The following ITGA2 variants were observed in gnomAD, a reference collection of about 807,000 sequenced individuals.
ITGA2 encodes integrin subunit alpha 2, also known as integrin alpha-2.
Under a neutral mutation model 146.3 loss-of-function variants are expected in ITGA2, and 101 were observed. That is an observed-to-expected ratio of 0.69 (90% CI 0.59 to 0.81). The LOEUF (loss-of-function observed/expected upper bound fraction) is 0.81, where lower values mean the gene tolerates loss of function less well. Ranked by LOEUF, ITGA2 falls within the 40% of genes least tolerant of loss-of-function variation. ITGA2 has a pLI of 0.00. For missense variants in ITGA2, 1,281 were observed against 1,402.7 expected (o/e 0.91, Z 1.39); for synonymous variants, 477 against 487.1 (o/e 0.98, Z 0.27).
At chr5:53,037,169 C>T (rs1561110142) in intron 2 of ITGA2, among the ~76,000 whole-genome samples, 1 of 152,190 alleles carries the variant, frequency 6.6e-6, no homozygotes, top group Non-Finnish European at 1.5e-5. Flanking sequence ...TTGAATTCCA[C>T]TGGAGGTAGG....
chr5:52,994,296 A>G (rs1741117512), intron 1 of ITGA2, among the ~76,000 whole-genome samples: 1 of 152,234 alleles, frequency 6.6e-6, no homozygotes. Flanking sequence ...GCCCTGAAGC[A>G]TACTTAACCA....
intron 4 of ITGA2, among the ~76,000 whole-genome samples, chr5:53,047,320 C>G (rs1161256559): frequency 6.6e-6 from 1 of 152,056 alleles, no homozygotes; most frequent in Non-Finnish European, 1.5e-5. Flanking sequence ...TCTCCTTTTT[C>G]ATGTATCAAT....
At chr5:53,050,273 C>A (rs3212499) in intron 6 of ITGA2, among the ~76,000 whole-genome samples, 1 of 152,058 alleles carries the variant, frequency 6.6e-6, no homozygotes, top group Non-Finnish European at 1.5e-5. Flanking sequence ...TCTTTTCTTA[C>A]AGCCTAAATT....
chr5:53,068,752 T>G (rs573542957), intron 16 of ITGA2, among the ~76,000 whole-genome samples: 173 of 151,960 alleles, frequency 1.1e-3, no homozygotes, highest in Non-Finnish European at 2.3e-3. Context: ...TCTTCACAAC[T>G]GTGGAAAGTG....
At chr5:53,036,149 T>TA (rs998371336) in intron 2 of ITGA2, among the ~76,000 whole-genome samples, 4 of 152,142 alleles carry the variant, frequency 2.6e-5, no homozygotes, top group Admixed American at 6.6e-5. Flanking sequence ...GACCACCTCT[T>TA]ACCACTTTCC....
chr5:53,036,061 A>G (rs1226894745), intron 2 of ITGA2, among the ~76,000 whole-genome samples: 2 of 151,832 alleles, frequency 1.3e-5, no homozygotes, highest in East Asian at 3.9e-4. Context: ...TCATTCATTC[A>G]TTCATTCATT....
Position 53,093,133 on chromosome 5 carries a change from C to T in ITGA2, c.*2534C>T, listed in dbSNP as rs536093105. The T allele has an allele frequency of 6.6e-6, 1 of 152,260 alleles. No individual in the cohort carries two copies. Among genetic ancestry groups the T allele is most frequent in the South Asian group, 2.1e-4 (1 of 4,822 alleles). The allele number at this position is 152,260 out of a possible 1,614,324, so 9.4% of individuals were successfully genotyped here. On this transcript the variant is annotated 3_prime_UTR_variant, in exon 30 of 30. Coordinates refer to ENST00000296585, the MANE Select transcript of ITGA2 (RefSeq NM_002203.4). Reference sequence around the variant, plus strand: ...CAAACAAACAAAAAAAAAGTTAGTACTGTATATGTAAATACTAGCTTTTCA... The same window carrying T: ...CAAACAAACAAAAAAAAAGTTAGTATTGTATATGTAAATACTAGCTTTTCA...
intron 4 of ITGA2, among the ~76,000 whole-genome samples, chr5:53,047,981 C>T (rs1176312772): frequency 1.3e-5 from 2 of 152,216 alleles, no homozygotes; most frequent in Non-Finnish European, 1.5e-5. Flanking sequence ...CCTCATTTTA[C>T]AGATGAATCA....
intron 2 of ITGA2, among the ~76,000 whole-genome samples, chr5:53,032,914 G>T (rs1287173155): frequency 6.6e-6 from 1 of 152,124 alleles, no homozygotes; most frequent in African/African-American, 2.4e-5. Flanking sequence ...CTCTGGAGCA[G>T]AAAGTATGCC....
chr5:53,004,914 T>C (rs1741759053), intron 1 of ITGA2, among the ~76,000 whole-genome samples: 3 of 135,650 alleles, frequency 2.2e-5, no homozygotes, highest in Admixed American at 7.5e-5. Flanking sequence ...TTTTTTTTTT[T>C]TTTTTTTTTT....
At chr5:53,057,090 C>A (rs1048547083) in intron 9 of ITGA2, among the ~76,000 whole-genome samples, 5 of 151,754 alleles carry the variant, frequency 3.3e-5, no homozygotes, top group African/African-American at 1.2e-4. Flanking sequence ...TCCAGCATAC[C>A]CTGAGATAAC....
intron 27 of ITGA2, among the ~76,000 whole-genome samples, chr5:53,086,528 G>A (rs1746164322): frequency 6.6e-6 from 1 of 152,130 alleles, no homozygotes; most frequent in Non-Finnish European, 1.5e-5. Context: ...ATTCAGGTAA[G>A]TATACAAAGA....
At chr5:53,039,819 A>T (rs1743695573) in intron 2 of ITGA2, among the ~76,000 whole-genome samples, 1 of 150,906 alleles carries the variant, frequency 6.6e-6, no homozygotes, top group Middle Eastern at 3.2e-3. Flanking sequence ...TTTAAATGAT[A>T]GCATAGAATC....
intron 20 of ITGA2, among the ~76,000 whole-genome samples, chr5:53,073,500 C>T (rs1184407873): frequency 6.6e-6 from 1 of 151,878 alleles, no homozygotes; most frequent in Non-Finnish European, 1.5e-5. Context: ...TAGCCAGACA[C>T]TCCCATAACT....
At chr5:53,001,805 G>C (rs887287147) in intron 1 of ITGA2, among the ~76,000 whole-genome samples, 2 of 132,026 alleles carry the variant, frequency 1.5e-5, no homozygotes, top group African/African-American at 5.6e-5. Flanking sequence ...ACAGAACAAG[G>C]CCCTTTCTAA....
chr5:53,067,727 T>G (rs190364529), intron 16 of ITGA2, among the ~76,000 whole-genome samples: 1 of 152,046 alleles, frequency 6.6e-6, no homozygotes, highest in East Asian at 1.9e-4. Flanking sequence ...AATATATAAC[T>G]TTTACCCAGT....
Position 53,032,390 on chromosome 5 carries a change from C to G in ITGA2, c.185+5522C>G, listed in dbSNP as rs963206548. The stretch of plus-strand genomic sequence containing the variant: ...AACACCACCTGGTATTTATTGAGTA[C>G]TCTTTCCTTGCCAAACATGTAATAC... On this transcript the variant is annotated intron_variant, in intron 2 of 29. Coordinates refer to ENST00000296585, the MANE Select transcript of ITGA2 (RefSeq NM_002203.4). Among the ~76,000 whole-genome samples, 4 of 152,232 alleles carry G rather than the reference C, an allele frequency of 2.6e-5. No homozygotes were observed. In the East Asian group the frequency reaches 7.7e-4, roughly 29 times the overall value.
In ITGA2 at chr5:53,094,419, T is replaced by C. The variant is rs886060692; in HGVS notation, c.*3820T>C. The C allele has an allele frequency of 9.8e-5, 15 of 152,332 alleles. No individual in the cohort carries two copies. Among genetic ancestry groups the C allele is most frequent in the Admixed American group, 6.5e-4 (10 of 15,308 alleles). 9.4% of individuals were successfully genotyped at this position (152,332 alleles called of 1,614,324 possible). A position where few individuals can be genotyped will look rare whatever the true frequency, so the allele number is the denominator to read the frequency against. ...TTAAGTCAAAATATGAATGTATATA[T>C]TGCATAACTATGTTAGAATTGTATA... is the stretch of plus-strand genomic sequence containing the variant. On this transcript the variant is annotated 3_prime_UTR_variant, in exon 30 of 30. Transcript: ENST00000296585.
At chr5:53,021,106 T>A (rs931365620) in intron 1 of ITGA2, among the ~76,000 whole-genome samples, 1 of 152,202 alleles carries the variant, frequency 6.6e-6, no homozygotes, top group African/African-American at 2.4e-5. Flanking sequence ...TTTTCTTCTA[T>A]TCTGAATATT....
Sources: allele counts gnomAD v4.1 joint callset (sites outside exome capture counted in the v4.1 genomes callset), GRCh38; gene constraint gnomAD v4.1.1; transcripts MANE v1.5; gene names NCBI Gene and HGNC (gene_info 2026-07-23, HGNC 2026-07-21).